The following ABL1 variants were observed in gnomAD, a reference collection of about 807,000 sequenced individuals.
ABL1 encodes the protein tyrosine-protein kinase ABL1.
Under a neutral mutation model 94.7 loss-of-function variants are expected in ABL1, and 11 were observed. That is an observed-to-expected ratio of 0.12 (90% CI 0.07 to 0.19). The LOEUF is 0.19. ABL1 is among the 10% of genes least tolerant of loss of function. The pLI, the probability that ABL1 is intolerant of heterozygous loss-of-function variation, is 1.00. For missense variants in ABL1, 1,082 were observed against 1,489.4 expected (o/e 0.73, Z 4.50); for synonymous variants, 656 against 622.4 (o/e 1.05, Z -0.80).
intron 1 of ABL1, among the ~76,000 whole-genome samples, chr9:130,767,885 A>G (rs1832204154): frequency 6.6e-6 from 1 of 152,244 alleles, no homozygotes; most frequent in Non-Finnish European, 1.5e-5. Flanking sequence ...AAATTCAATC[A>G]TCAAGATTTA....
At chr9:130,737,515 C>T (rs1415932193) in intron 1 of ABL1, among the ~76,000 whole-genome samples, 3 of 152,032 alleles carry the variant, frequency 2.0e-5, no homozygotes, top group African/African-American at 7.3e-5. Context: ...ATGATCCACC[C>T]GCCTTGGCCT....
At chr9:130,866,586 C>T (rs1831161103) in intron 4 of ABL1, among the ~76,000 whole-genome samples, 2 of 152,104 alleles carry the variant, frequency 1.3e-5, no homozygotes, top group African/African-American at 4.8e-5. Context: ...TACTTTTAAC[C>T]GCAACTCCAT....
chr9:130,769,663 G>T (rs1251467890), intron 1 of ABL1, among the ~76,000 whole-genome samples: 1 of 151,890 alleles, frequency 6.6e-6, no homozygotes, highest in Admixed American at 6.6e-5. Flanking sequence ...GTATTGTATT[G>T]TATTATTTTT....
At chr9:130,811,028 G>A (rs1830201990) in intron 1 of ABL1, among the ~76,000 whole-genome samples, 1 of 151,852 alleles carries the variant, frequency 6.6e-6, no homozygotes, top group Non-Finnish European at 1.5e-5. Flanking sequence ...AAAGAAAACA[G>A]TTGTCTACCT....
chr9:130,723,166 C>T (rs1358741062), intron 1 of ABL1, among the ~76,000 whole-genome samples: 1 of 152,136 alleles, frequency 6.6e-6, no homozygotes, highest in Non-Finnish European at 1.5e-5. Flanking sequence ...TGCCCTGTGC[C>T]TCTGCAGTTC....
intron 6 of ABL1, 94 bp from the exon 7 acceptor site, chr9:130,874,774 C>T: frequency 2.3e-6 from 3 of 1,324,210 alleles, no homozygotes; most frequent in Admixed American, 1.8e-5. Flanking sequence ...TCAATCTTTC[C>T]ATTGTCAGCA....
Position 130,750,192 on chromosome 9 carries a change from CATATATATATATATATATATATATATAT to C in ABL1, c.136+35754_136+35781del, listed in dbSNP as rs56263750. 4.9e-4 allele frequency among the ~76,000 whole-genome samples: 52 copies of C among 106,450 alleles called. 2 individuals carry two copies. The highest frequency in any genetic ancestry group is 1.8e-3 in the South Asian group (6 of 3,302). The allele number at this position is 106,450 out of a possible 152,430, so 69.8% of individuals were successfully genotyped here. A position where few individuals can be genotyped will look rare whatever the true frequency, so the allele number is the denominator to read the frequency against. On this transcript the variant is annotated intron_variant, in intron 1 of 10. Coordinates refer to the ABL1 transcript ENST00000372348. The stretch of plus-strand genomic sequence containing the variant: ...ACCCTGACTCAAGAAAAAAAAAATA[CATATATATATATATATATATATATATAT>C]ATATATATATATATATCCAAGTATA...
intron 1 of ABL1, among the ~76,000 whole-genome samples, chr9:130,732,112 A>AT (rs1056114451): frequency 1.0e-4 from 15 of 150,364 alleles, no homozygotes; most frequent in South Asian, 2.1e-4. Context: ...ATCGAACAGT[A>AT]TTTTTTTTTA....
intron 1 of ABL1, among the ~76,000 whole-genome samples, chr9:130,760,944 T>A (rs986015022): frequency 2.9e-4 from 18 of 61,712 alleles, no homozygotes; most frequent in Admixed American, 5.9e-4. Flanking sequence ...CCGCCCCTGC[T>A]TTTTTTTTTT....
chr9:130,740,861 C>G (rs2583843), intron 1 of ABL1, among the ~76,000 whole-genome samples: 1 of 137,596 alleles, frequency 7.3e-6, no homozygotes, highest in African/African-American at 2.8e-5. Flanking sequence ...GGGTCTCACT[C>G]TGTTGAACTC....
In ABL1 at chr9:130,875,446, C is replaced by T. The variant is rs1464448282; in HGVS notation, c.1270+394C>T. ...GTGTGAGCCACTGTGCACAGCCACC[C>T]TTTTTTTTTTTTTTTTAACTGTGTA... On this transcript the variant is annotated intron_variant, in intron 7 of 10. Coordinates refer to ENST00000318560, the MANE Select transcript of ABL1 (RefSeq NM_005157.6). Among the ~76,000 whole-genome samples the T allele has an allele frequency of 3.4e-5, 5 of 145,208 alleles. No individual in the cohort carries two copies. In the East Asian group the frequency reaches 6.1e-4, roughly 18 times the overall value.
intron 3 of ABL1, among the ~76,000 whole-genome samples, chr9:130,860,639 C>T (rs564770932): frequency 5.9e-5 from 9 of 152,318 alleles, no homozygotes; most frequent in Admixed American, 2.0e-4. Context: ...GCAGGCCACA[C>T]GGGCTCTTTG....
At chr9:130,745,101 G>T (rs548684166) in intron 1 of ABL1, among the ~76,000 whole-genome samples, 42 of 150,166 alleles carry the variant, frequency 2.8e-4, no homozygotes, top group Admixed American at 1.3e-3. Context: ...TTTTTTTGAG[G>T]GGGGCAGAGT....
chr9:130,754,395 C>T (rs1289469060), intron 1 of ABL1, among the ~76,000 whole-genome samples: 1 of 150,988 alleles, frequency 6.6e-6, no homozygotes, highest in Non-Finnish European at 1.5e-5. Context: ...GTAGTCCCAG[C>T]TACTCGGGAG....
intron 1 of ABL1, among the ~76,000 whole-genome samples, chr9:130,773,335 T>C (rs562035529): frequency 1.1e-4 from 17 of 151,788 alleles, no homozygotes; most frequent in Non-Finnish European, 1.8e-4. Context: ...TAAAAAAAAA[T>C]TTAAAAAATA....
chr9:130,746,828 A>G (rs1244213814), intron 1 of ABL1, among the ~76,000 whole-genome samples: 1 of 152,142 alleles, frequency 6.6e-6, no homozygotes, highest in Non-Finnish European at 1.5e-5. Flanking sequence ...AGGTACCACA[A>G]AACTGGGTGG....
rs1188458463 is a variant in ABL1 at position 130,835,708 on chromosome 9, TTC to T, written c.79+189_79+190del. Among the ~76,000 whole-genome samples, 1 of 152,114 alleles carries T rather than the reference TTC, an allele frequency of 6.6e-6. No homozygotes were observed. The highest frequency in any genetic ancestry group is 2.4e-5 in the African/African-American group (1 of 41,444). ...TCTCTTATATTCTGTCTCTCTTTCTTTCTCTCTGTGTCTGTCTCTTTTCTCTT... is the reference window on the plus strand; with the variant it reads ...TCTCTTATATTCTGTCTCTCTTTCTTTCTCTGTGTCTGTCTCTTTTCTCTT... On this transcript the variant is annotated intron_variant, in intron 1 of 10. Transcript: ENST00000318560. This position sits in a 1 kb window ranked among gnomAD's most constrained non-coding sequence, Gnocchi z 4.6.
chr9:130,840,168 C>T (rs1830649358), intron 1 of ABL1, among the ~76,000 whole-genome samples: 1 of 152,196 alleles, frequency 6.6e-6, no homozygotes. Flanking sequence ...GAAGTGATGA[C>T]AGAATTCAGC....
At chr9:130,736,378 A>C (rs1380403709) in intron 1 of ABL1, among the ~76,000 whole-genome samples, 1 of 152,188 alleles carries the variant, frequency 6.6e-6, no homozygotes, top group Non-Finnish European at 1.5e-5. Flanking sequence ...AAGCCTAGCT[A>C]AGAGAGTGTA....
Sources: gnomAD v4.1 joint callset for allele counts (sites outside exome capture counted in the v4.1 genomes callset) on GRCh38, gnomAD v4.1.1 for gene constraint, Gnocchi (gnomAD v3.1) non-coding constraint, MANE v1.5 for transcripts, NCBI Gene and HGNC (gene_info 2026-07-23, HGNC 2026-07-21) for gene names.